Variants in ZNF827 observed in about 807,000 individuals in gnomAD.
ZNF827 encodes zinc finger protein 827.
A neutral mutation model predicts 102.4 loss-of-function variants in ZNF827; 13 were observed. That is an observed-to-expected ratio of 0.13 (90% CI 0.08 to 0.20). The LOEUF (loss-of-function observed/expected upper bound fraction) is 0.20. Ranked by LOEUF, ZNF827 falls within the 10% of genes least tolerant of loss-of-function variation. The pLI is 1.00. For missense variants in ZNF827, 1,103 were observed against 1,344.4 expected, an observed-to-expected ratio of 0.82 and a Z score of 2.81; for synonymous variants, 523 against 536.2, an observed-to-expected ratio of 0.98 and a Z score of 0.34.
At chr4:145,866,653 C>T (rs1323859650) in intron 5 of ZNF827, among the ~76,000 whole-genome samples, 1 of 152,184 alleles carries the variant, frequency 6.6e-6, no homozygotes, top group African/African-American at 2.4e-5. Context: ...TTCTGCATAG[C>T]TCCAGCTTTC....
In ZNF827 at chr4:145,762,064, G is replaced by C. The variant is rs1271336331; in HGVS notation, c.*18-466C>G. ...CACCAAGCACACGCAGAAAGGCTAA[G>C]AGGTTTTAAAGAACAGCTTATAGGG... On this transcript the variant is annotated intron_variant, in intron 14 of 14. Coordinates refer to ENST00000508784, the MANE Select transcript of ZNF827 (RefSeq NM_001306215.2). The surrounding 1 kb of genome is among the most constrained non-coding windows in gnomAD (Gnocchi z 4.9). 6.6e-6 allele frequency among the ~76,000 whole-genome samples: 1 copy of C among 152,180 alleles called. No homozygotes were observed. Among genetic ancestry groups the C allele is most frequent in the African/African-American group, 2.4e-5 (1 of 41,444 alleles).
Position 145,759,799 on chromosome 4 carries a change from C to T in ZNF827, c.*1817G>A, listed in dbSNP as rs1734257597. ...TTATACCCAGAATTTATCCAAACCC[C>T]TTTTAATCTCCTTGGCTGGATTTAT... is the stretch of plus-strand genomic sequence containing the variant. On this transcript the variant is annotated 3_prime_UTR_variant, in exon 15 of 15. Transcript: ENST00000508784. The T allele has an allele frequency of 6.6e-6, 1 of 152,044 alleles. No homozygotes were observed. Among genetic ancestry groups the T allele is most frequent in the South Asian group, 2.1e-4 (1 of 4,822 alleles). The allele number at this position is 152,044 out of a possible 1,614,324, so 9.4% of individuals were successfully genotyped here.
At chr4:145,833,265 C>G (rs1744439334) in intron 7 of ZNF827, 1 of 153,790 alleles carries the variant, frequency 6.5e-6, no homozygotes, top group Non-Finnish European at 1.4e-5. Flanking sequence ...CTCTTAATTT[C>G]AATTCCTTTC....
At chr4:145,810,660 G>A (rs941425931) in intron 8 of ZNF827, among the ~76,000 whole-genome samples, 11 of 152,100 alleles carry the variant, frequency 7.2e-5, no homozygotes, top group African/African-American at 2.7e-4. Flanking sequence ...ATCATGTCAC[G>A]CATGTTGTCA....
intron 8 of ZNF827, among the ~76,000 whole-genome samples, chr4:145,822,682 G>C (rs1381306134): frequency 1.3e-5 from 2 of 152,092 alleles, no homozygotes; most frequent in Non-Finnish European, 2.9e-5. Flanking sequence ...ATTGGTGGTG[G>C]GCGGGGTGGG....
intron 8 of ZNF827, among the ~76,000 whole-genome samples, chr4:145,814,481 A>G (rs1742365309): frequency 6.6e-6 from 1 of 152,148 alleles, no homozygotes; most frequent in African/African-American, 2.4e-5. Flanking sequence ...TGTATCCTAC[A>G]TTGTGTCCCA....
chr4:145,783,522 T>G (rs1353861068), intron 8 of ZNF827, among the ~76,000 whole-genome samples: 1 of 152,246 alleles, frequency 6.6e-6, no homozygotes, highest in Non-Finnish European at 1.5e-5. Context: ...AGCCACAAGA[T>G]GATTCTCTTT....
At chr4:145,789,259 TC>T (rs1739328835) in intron 8 of ZNF827, among the ~76,000 whole-genome samples, 1 of 152,150 alleles carries the variant, frequency 6.6e-6, no homozygotes, top group Middle Eastern at 3.2e-3. Flanking sequence ...GAAAAACAGA[TC>T]CATAATTGGT....
chr4:145,782,618 C>A (rs1738251767), intron 8 of ZNF827, among the ~76,000 whole-genome samples: 1 of 152,192 alleles, frequency 6.6e-6, no homozygotes, highest in African/African-American at 2.4e-5. Context: ...TGCTATCAGA[C>A]CCCTTCCAAC....
intron 8 of ZNF827, among the ~76,000 whole-genome samples, chr4:145,790,869 G>C (rs1739577722): frequency 6.6e-6 from 1 of 152,032 alleles, no homozygotes. Flanking sequence ...CCTGACCTTG[G>C]GTTTTAGCAC....
chr4:145,794,991 CT>C (rs1268478071), intron 8 of ZNF827, among the ~76,000 whole-genome samples: 1 of 152,196 alleles, frequency 6.6e-6, no homozygotes, highest in Non-Finnish European at 1.5e-5. Context: ...CTAGCCAAGG[CT>C]GCTGAACCAC....
chr4:145,871,909 A>C (rs1020155810), intron 4 of ZNF827, among the ~76,000 whole-genome samples: 2 of 152,210 alleles, frequency 1.3e-5, no homozygotes, highest in African/African-American at 4.8e-5. Context: ...ACCTAAGTCC[A>C]TGGGCTTCCC....
At chr4:145,930,913 C>A (rs1288007193) in intron 1 of ZNF827, among the ~76,000 whole-genome samples, 1 of 152,118 alleles carries the variant, frequency 6.6e-6, no homozygotes, top group Non-Finnish European at 1.5e-5. Context: ...GCAACATGTA[C>A]CCATGCCATT....
intron 1 of ZNF827, among the ~76,000 whole-genome samples, chr4:145,931,477 A>G (rs1753803537): frequency 1.3e-5 from 2 of 152,256 alleles, no homozygotes; most frequent in African/African-American, 4.8e-5. Context: ...TTTTTCCAAT[A>G]AGAGAAAACC....
intron 7 of ZNF827, among the ~76,000 whole-genome samples, chr4:145,844,976 TTC>T (rs1028137285): frequency 2.0e-4 from 31 of 152,260 alleles, no homozygotes; most frequent in Admixed American, 7.8e-4. Context: ...GGAAGAATCT[TTC>T]TCTGTTTGCT....
At chr4:145,841,830 C>T (rs1351993153) in intron 7 of ZNF827, among the ~76,000 whole-genome samples, 1 of 152,104 alleles carries the variant, frequency 6.6e-6, no homozygotes, top group Non-Finnish European at 1.5e-5. Context: ...TTCTGCCTGG[C>T]TACACGGTGT....
chr4:145,904,899 GCT>G (rs745887967), intron 1 of ZNF827, among the ~76,000 whole-genome samples: 10 of 152,208 alleles, frequency 6.6e-5, no homozygotes, highest in Non-Finnish European at 1.2e-4. Flanking sequence ...TGTTCTGGCT[GCT>G]GTGTGGAAAA....
chr4:145,780,573 G>A (rs1737820082), intron 8 of ZNF827, among the ~76,000 whole-genome samples: 1 of 152,004 alleles, frequency 6.6e-6, no homozygotes, highest in Non-Finnish European at 1.5e-5. Context: ...CTTATCCCTA[G>A]GATTACCTTT....
chr4:145,837,920 C>T (rs1745026736), intron 7 of ZNF827, among the ~76,000 whole-genome samples: 1 of 152,188 alleles, frequency 6.6e-6, no homozygotes, highest in African/African-American at 2.4e-5. Context: ...TCCCACGCCG[C>T]CCCTAATCCC....
Sources: allele counts gnomAD v4.1 joint callset (sites outside exome capture counted in the v4.1 genomes callset), GRCh38; gene constraint gnomAD v4.1.1; non-coding constraint Gnocchi (gnomAD v3.1); transcripts MANE v1.5; gene names NCBI Gene and HGNC (gene_info 2026-07-23, HGNC 2026-07-21).